Variants in ABR observed in about 807,000 individuals in gnomAD.
ABR encodes the protein ABR activator of RhoGEF and GTPase.
A neutral mutation model predicts 107.2 loss-of-function variants in ABR; 35 were observed. The ratio of observed to expected loss-of-function variants is 0.33; its 90% confidence interval spans 0.25 to 0.43. The LOEUF is 0.43. Ranked by LOEUF, ABR falls within the 20% of genes least tolerant of loss-of-function variation. ABR has a pLI of 1.00. For synonymous variants in ABR, 498 were observed against 462.0 expected (o/e 1.08, Z -1.00); for missense variants, 815 against 1,115.2 (o/e 0.73, Z 3.83).
At chr17:1,202,994 C>A (rs2150721613) in intron 1 of ABR, among the ~76,000 whole-genome samples, 1 of 151,244 alleles carries the variant, frequency 6.6e-6, no homozygotes, top group South Asian at 2.1e-4. Context: ...TCAAGCAATT[C>A]TCCTGCCTCA....
At chr17:1,036,656 G>A (rs554054696) in intron 16 of ABR, among the ~76,000 whole-genome samples, 12 of 152,194 alleles carry the variant, frequency 7.9e-5, no homozygotes, top group East Asian at 5.8e-4. Flanking sequence ...CACACAGGGC[G>A]TGCGAGTTGG....
At chr17:1,223,803 C>T (rs560086020) in intron 1 of ABR, among the ~76,000 whole-genome samples, 47 of 152,284 alleles carry the variant, frequency 3.1e-4, no homozygotes, top group Admixed American at 1.3e-3. Context: ...AACTTCCAAA[C>T]GCTTTAAAAC....
At chr17:1,130,940 A>G (rs2151468484) in intron 1 of ABR, among the ~76,000 whole-genome samples, 1 of 152,342 alleles carries the variant, frequency 6.6e-6, no homozygotes, top group East Asian at 1.9e-4. Flanking sequence ...TGGTCTTCAG[A>G]CTGCGAGAGC....
chr17:1,208,933 A>G (rs925411404), intron 1 of ABR, among the ~76,000 whole-genome samples: 2 of 151,704 alleles, frequency 1.3e-5, no homozygotes, highest in Non-Finnish European at 2.9e-5. Flanking sequence ...AAGTCAGTTA[A>G]AGACGGCAAG....
intron 10 of ABR, among the ~76,000 whole-genome samples, chr17:1,059,675 TC>T (rs1448166842): frequency 1.3e-5 from 2 of 152,178 alleles, no homozygotes; most frequent in Non-Finnish European, 2.9e-5. Context: ...CCCTCAATGT[TC>T]CAAGTTTCTG....
chr17:1,071,404 G>A lies in ABR; in HGVS notation c.894+1210C>T, dbSNP rs1027766880. On this transcript the variant is annotated intron_variant, in intron 8 of 22. Coordinates refer to ENST00000302538, the MANE Select transcript of ABR (RefSeq NM_021962.5). The surrounding 1 kb of genome is among the most constrained non-coding windows in gnomAD (Gnocchi z 5.1). Reference sequence around the variant, plus strand: ...AGCAGACACCCTGTCAGCCTCACTCGTAACGGCCGCCTAATGGCCTCCCCT... The same window carrying A: ...AGCAGACACCCTGTCAGCCTCACTCATAACGGCCGCCTAATGGCCTCCCCT... Among the ~76,000 whole-genome samples the A allele has an allele frequency of 6.6e-6, 1 of 152,092 alleles. No individual in the cohort carries two copies. The highest frequency in any genetic ancestry group is 1.9e-4 in the East Asian group (1 of 5,182).
intron 1 of ABR, among the ~76,000 whole-genome samples, chr17:1,174,638 C>T (rs970551547): frequency 1.6e-4 from 24 of 152,140 alleles, no homozygotes; most frequent in African/African-American, 5.6e-4. Context: ...GAGAAGTGAG[C>T]TCCAAAAAGC....
intron 1 of ABR, among the ~76,000 whole-genome samples, chr17:1,211,146 G>A (rs1684564702): frequency 6.6e-6 from 1 of 152,186 alleles, no homozygotes; most frequent in Non-Finnish European, 1.5e-5. Context: ...AGGCGTGGTG[G>A]CAGACGCCCA....
intron 1 of ABR, among the ~76,000 whole-genome samples, chr17:1,133,777 C>G (rs73975645): frequency 0.013 from 2,035 of 152,226 alleles, 50 homozygotes; most frequent in African/African-American, 0.046. Flanking sequence ...GGCAACAGAC[C>G]AGTCCCAGGC....
chr17:1,059,644 C>G (rs1008057324), intron 10 of ABR, among the ~76,000 whole-genome samples: 2 of 152,194 alleles, frequency 1.3e-5, no homozygotes, highest in African/African-American at 4.8e-5. Context: ...AGACATTCAT[C>G]CTCTGCGGGC....
chr17:1,022,046 G>A (rs534388591), intron 16 of ABR, among the ~76,000 whole-genome samples: 2 of 140,728 alleles, frequency 1.4e-5, no homozygotes, highest in South Asian at 4.5e-4. Context: ...GGCAGGGGTT[G>A]CAGTGAGCCA....
At chr17:1,188,793 G>T (rs11868595), upstream of ABR, among the ~76,000 whole-genome samples, 717 of 152,146 alleles carry the variant, frequency 4.7e-3, 7 homozygotes, top group African/African-American at 0.016. Context: ...ACTAAATTTC[G>T]CCTTCATAAA....
chr17:1,101,770 G>C (rs1482548767), intron 2 of ABR, among the ~76,000 whole-genome samples: 2 of 145,782 alleles, frequency 1.4e-5, no homozygotes, highest in African/African-American at 5.1e-5. Flanking sequence ...GTCTCGCTCT[G>C]TCGCCCAGGC....
Position 1,037,986 on chromosome 17 carries a change from G to A in ABR, c.1791+12064C>T, listed in dbSNP as rs1427434924. On this transcript the variant is annotated intron_variant, in intron 16 of 22. Transcript: ENST00000302538. This position sits in a 1 kb window ranked among gnomAD's most constrained non-coding sequence, Gnocchi z 4.6. ...TTTCTGCTGAGGACGCACCCCTGCC[G>A]TTTTTTCCAAATGAAATTTTATGCC... is the stretch of plus-strand genomic sequence containing the variant. Among the ~76,000 whole-genome samples, 1 of 152,252 alleles carries A rather than the reference G, an allele frequency of 6.6e-6. No individual in the cohort carries two copies. The highest frequency in any genetic ancestry group is 2.4e-5 in the African/African-American group (1 of 41,534).
chr17:1,012,546 C>G (rs1208515679), intron 18 of ABR, 142 bp downstream of exon 18: 6 of 711,608 alleles, frequency 8.4e-6, no homozygotes, highest in Non-Finnish European at 1.5e-5. Flanking sequence ...ACTCTAGATC[C>G]ACACCGGCCA....
intron 2 of ABR, among the ~76,000 whole-genome samples, chr17:1,119,547 C>CT (rs113137769): frequency 0.73 from 64,217 of 87,514 alleles, 25,094 homozygotes; most frequent in East Asian, 0.88. Context: ...CTGAGCCTTC[C>CT]TTGCTCCTCC....
intron 1 of ABR, among the ~76,000 whole-genome samples, chr17:1,204,170 C>G (rs1400802951): frequency 6.6e-6 from 1 of 152,210 alleles, no homozygotes; most frequent in Non-Finnish European, 1.5e-5. Context: ...GTGGGCCGGG[C>G]GCGGTGGCTC....
chr17:1,063,575 G>A (rs1597626269), intron 10 of ABR, among the ~76,000 whole-genome samples: 2 of 149,542 alleles, frequency 1.3e-5, no homozygotes, highest in Admixed American at 6.7e-5. Flanking sequence ...GTGAACTGAG[G>A]GCTATGCATG....
chr17:1,048,831 C>T (rs911913956), intron 16 of ABR, among the ~76,000 whole-genome samples: 2 of 152,198 alleles, frequency 1.3e-5, no homozygotes, highest in Admixed American at 1.3e-4. Flanking sequence ...GCCTGGATCA[C>T]GTCTGCGGCC....
Sources: gnomAD v4.1 joint callset for allele counts (sites outside exome capture counted in the v4.1 genomes callset) on GRCh38, gnomAD v4.1.1 for gene constraint, Gnocchi (gnomAD v3.1) non-coding constraint, MANE v1.5 for transcripts, NCBI Gene and HGNC (gene_info 2026-07-23, HGNC 2026-07-21) for gene names.